The following CYP46A1 variants were observed in gnomAD, a reference collection of about 807,000 sequenced individuals.
CYP46A1 encodes cholesterol 24-hydroxylase.
A neutral mutation model predicts 63.3 loss-of-function variants in CYP46A1; 20 were observed. The ratio of observed to expected loss-of-function variants is 0.32; its 90% CI spans 0.22 to 0.46. CYP46A1 has a LOEUF of 0.46. Ranked by LOEUF, CYP46A1 falls within the 20% of genes least tolerant of loss-of-function variation. The pLI is 1.00. For missense variants in CYP46A1, 445 were observed against 670.8 expected (o/e 0.66, Z 3.72); for synonymous variants, 268 against 273.6 (o/e 0.98, Z 0.20).
chr14:99,715,630 T>A (rs2056781117), intron 7 of CYP46A1, among the ~76,000 whole-genome samples, 180 bp from the exon 8 acceptor site: 1 of 152,224 alleles, frequency 6.6e-6, no homozygotes, highest in African/African-American at 2.4e-5. Context: ...GGCTGAGGCC[T>A]GGGCTCAGTC....
At position 99,706,628 on chromosome 14, in the gene CYP46A1, G is replaced by A. The variant is rs1248865881; in HGVS notation, c.444-19G>A. 2 of 1,613,280 alleles carry A rather than the reference G, an allele frequency of 1.2e-6. No homozygotes were observed. Among genetic ancestry groups the A allele is most frequent in the East Asian group, 2.2e-5 (1 of 44,874 alleles). On this transcript the variant is annotated intron_variant, in intron 5 of 14. Coordinates refer to ENST00000261835, the MANE Select transcript of CYP46A1 (RefSeq NM_006668.2). ...ATTGGGCTGGCCAGTGGCCGTTGAT[G>A]CCTGTGCTGTTTCTCCAGCTCCTTG...
At chr14:99,719,378 A>ATTTTTTTTTTT (rs55679517) in intron 10 of CYP46A1, among the ~76,000 whole-genome samples, 2,719 of 142,028 alleles carry the variant, frequency 0.019, 91 homozygotes, top group African/African-American at 0.07. Flanking sequence ...CACCTGGCTA[A>ATTTTTTTTTTT]TTTTTTTTTT....
chr14:99,705,154 G>A lies in CYP46A1; in HGVS notation c.444-1493G>A, dbSNP rs557652736. On this transcript the variant is annotated intron_variant, in intron 5 of 14. Transcript: ENST00000261835. ...GGCTCACCTGCTGCCAGGCATGTGC[G>A]TCGGCTAGTTGGGCAATGAAAAGCT... Among the ~76,000 whole-genome samples the A allele has an allele frequency of 1.6e-3, 247 of 152,332 alleles. 2 individuals carry two copies. The highest frequency in any genetic ancestry group is 3.1e-3 in the Non-Finnish European group (211 of 68,036).
Position 99,707,695 on chromosome 14 carries a change from C to T in CYP46A1, c.693+17C>T, listed in dbSNP as rs768184847. On this transcript the variant is annotated intron_variant, in intron 7 of 14. Coordinates refer to ENST00000261835, the MANE Select transcript of CYP46A1 (RefSeq NM_006668.2). Reference sequence around the variant, plus strand: ...CTGGCAAAGGTACTGCCTCAGCACCCCCTCTGGTGACCAGCCACCAGAGCT... The same window carrying T: ...CTGGCAAAGGTACTGCCTCAGCACCTCCTCTGGTGACCAGCCACCAGAGCT... 2 of 1,608,170 alleles carry T rather than the reference C, an allele frequency of 1.2e-6. No individual in the cohort carries two copies. The highest frequency in any genetic ancestry group is 1.7e-6 in the Non-Finnish European group (2 of 1,174,618).
rs1207165213 is a variant in CYP46A1 at position 99,726,747 on chromosome 14, G to A, written c.*20G>A. On this transcript the variant is annotated 3_prime_UTR_variant, in exon 15 of 15. Coordinates refer to ENST00000261835, the MANE Select transcript of CYP46A1 (RefSeq NM_006668.2). ...TGCTGAGGGGGCCTCCAGGCAGGACGAGACTCCTCGGGCAAGGGCCGTGCC... is the reference window on the plus strand; with the variant it reads ...TGCTGAGGGGGCCTCCAGGCAGGACAAGACTCCTCGGGCAAGGGCCGTGCC... The A allele has an allele frequency of 6.0e-6, 9 of 1,495,670 alleles. No individual in the cohort carries two copies. The South Asian group carries it at 6.5e-5, about 11-fold the overall frequency. The allele number at this position is 1,495,670 out of a possible 1,614,324, so 92.6% of individuals were successfully genotyped here.
chr14:99,723,078 G>A (rs1196026263), intron 12 of CYP46A1: 2 of 264,370 alleles, frequency 7.6e-6, no homozygotes, highest in Non-Finnish European at 1.6e-5. Context: ...AGCATGGTCC[G>A]ATTTTGTATC....
At chr14:99,702,069 CAAAAAAAAA>C (rs71113217) in intron 5 of CYP46A1, among the ~76,000 whole-genome samples, 3 of 70,764 alleles carry the variant, frequency 4.2e-5, no homozygotes, top group Non-Finnish European at 8.0e-5. Context: ...GACTCCATCT[CAAAAAAAAA>C]AAAAAAAAAA....
intron 5 of CYP46A1, chr14:99,703,893 A>T: frequency 1.0e-6 from 1 of 984,318 alleles, no homozygotes. Flanking sequence ...TGAAAATGGG[A>T]AGGAGTAGAC....
In CYP46A1 at chr14:99,721,933, A is replaced by G. The variant is rs756923715; in HGVS notation, c.1066-23A>G. 4 of 1,591,346 alleles carry G rather than the reference A, an allele frequency of 2.5e-6. No homozygotes were observed. In the Admixed American group the frequency reaches 5.0e-5, roughly 20 times the overall value. ...GTGGCCTCTCCCGACTCTCCTTGTT[A>G]TCTCCCCTTGTGGCTTCTCTAGGTC... On this transcript the variant is annotated intron_variant, in intron 11 of 14. Coordinates refer to ENST00000261835, the MANE Select transcript of CYP46A1 (RefSeq NM_006668.2).
rs140068582 is a variant in CYP46A1 at position 99,719,612 on chromosome 14, C to CT, written c.980+1487dup. Among the ~76,000 whole-genome samples, 1,195 of 152,162 alleles carry CT rather than the reference C, an allele frequency of 7.9e-3. 14 individuals are homozygous for CT. Among genetic ancestry groups the CT allele is most frequent in the African/African-American group, 0.027 (1,116 of 41,488 alleles). ...GGTAACCACCATTCCACTTCTGTCT[C>CT]TGTGTGTTTGTCTATTCTAGGTGAC... is the stretch of plus-strand genomic sequence containing the variant. On this transcript the variant is annotated intron_variant, in intron 10 of 14. Coordinates refer to ENST00000261835, the MANE Select transcript of CYP46A1 (RefSeq NM_006668.2).
At chr14:99,706,848 C>T in intron 6 of CYP46A1, 63 bp downstream of exon 6, 2 of 1,557,182 alleles carry the variant, frequency 1.3e-6, no homozygotes, top group Non-Finnish European at 1.7e-6. Context: ...GGTCTCTTCT[C>T]TCCCTCTTCC....
At chr14:99,698,992 G>A (rs146156001) in intron 3 of CYP46A1, among the ~76,000 whole-genome samples, 29 of 152,222 alleles carry the variant, frequency 1.9e-4, no homozygotes, top group African/African-American at 6.0e-4. Context: ...TCTCCTTCCC[G>A]GGTGGAAGTG....
At chr14:99,716,315 C>T in intron 9 of CYP46A1, 116 bp downstream of exon 9, 2 of 1,075,940 alleles carry the variant, frequency 1.9e-6, no homozygotes, top group East Asian at 2.5e-5. Context: ...GAGCTCACCG[C>T]AGGGCTAGGG....
chr14:99,690,349 C>T (rs1422668662), intron 1 of CYP46A1, among the ~76,000 whole-genome samples: 1 of 152,202 alleles, frequency 6.6e-6, no homozygotes, highest in Non-Finnish European at 1.5e-5. Flanking sequence ...CCTTCCTCTT[C>T]CCCGTACTCT....
chr14:99,726,132 T>C, intron 13 of CYP46A1, 58 bp from the exon 14 acceptor site: 2 of 1,481,742 alleles, frequency 1.3e-6, no homozygotes, highest in Non-Finnish European at 1.9e-6. Flanking sequence ...CTTCCTTATG[T>C]TGTTCCTGTG....
intron 7 of CYP46A1, among the ~76,000 whole-genome samples, chr14:99,713,888 A>C (rs1451961593): frequency 6.7e-6 from 1 of 148,718 alleles, no homozygotes; most frequent in Non-Finnish European, 1.5e-5. Context: ...AAAAAAAAAA[A>C]AAGACGTGTG....
chr14:99,685,488 A>G (rs1472298184), intron 1 of CYP46A1, among the ~76,000 whole-genome samples: 1 of 151,434 alleles, frequency 6.6e-6, no homozygotes, highest in Admixed American at 6.6e-5. Flanking sequence ...CCACCTGTTG[A>G]CTGTCTGTTC....
intron 1 of CYP46A1, among the ~76,000 whole-genome samples, chr14:99,690,621 G>T (rs1031805934): frequency 4.6e-5 from 7 of 152,166 alleles, no homozygotes; most frequent in African/African-American, 1.7e-4. Context: ...GGGCTTTGGG[G>T]AGCCCTGGTA....
chr14:99,724,272 C>T (rs1459981529), intron 12 of CYP46A1, among the ~76,000 whole-genome samples: 1 of 152,150 alleles, frequency 6.6e-6, no homozygotes, highest in Non-Finnish European at 1.5e-5. Flanking sequence ...TGACAGGATC[C>T]TTTTTATTTT....
Sources: allele counts gnomAD v4.1 joint callset (sites outside exome capture counted in the v4.1 genomes callset), GRCh38; gene constraint gnomAD v4.1.1; transcripts MANE v1.5; gene names NCBI Gene and HGNC (gene_info 2026-07-23, HGNC 2026-07-21).